DCHS1: variants seen among roughly 807,000 people sequenced by gnomAD.
The protein encoded by DCHS1 is protocadherin-16.
In DCHS1, 78 loss-of-function variants were observed where a neutral mutation model predicts 213.9. That is an observed-to-expected ratio of 0.36 (90% CI 0.30 to 0.44). The LOEUF (loss-of-function observed/expected upper bound fraction) is 0.44. DCHS1 is among the 20% of genes least tolerant of loss of function. DCHS1 has a pLI of 1.00. For missense variants in DCHS1, 3,946 were observed against 4,395.9 expected (o/e 0.90, Z 2.89); for synonymous variants, 1,828 against 1,873.7 (o/e 0.98, Z 0.63).
Position 6,629,398 on chromosome 11 carries a change from A to G in DCHS1, c.5161+54T>C, listed in dbSNP as rs921082751. 12 of 1,598,178 alleles carry G rather than the reference A, an allele frequency of 7.5e-6. No homozygotes were observed. In the African/African-American group the frequency reaches 1.1e-4, roughly 14 times the overall value. ...GTACTTTGGGTATTCTATCCAGGTA[A>G]CACTGGTGTTTACAACACCTCACTC... On this transcript the variant is annotated intron_variant, in intron 12 of 20. Transcript: ENST00000299441.
At chr11:6,655,236 C>A (rs947400451) in intron 1 of DCHS1, among the ~76,000 whole-genome samples, 2 of 152,054 alleles carry the variant, frequency 1.3e-5, no homozygotes. Context: ...GCCAGAGAGA[C>A]GCCCAGGGAC....
chr11:6,629,824 G>A lies in DCHS1; in HGVS notation c.4883C>T (p.Pro1628Leu). 2 of 1,613,062 alleles carry A rather than the reference G, an allele frequency of 1.2e-6. No individual in the cohort carries two copies. The highest frequency in any genetic ancestry group is 2.2e-5 in the East Asian group (1 of 44,876). The change falls in exon 11 of 21, where the codon CCG (proline) becomes CTG (leucine). Residue 1628 changes from proline (P) to leucine (L), a missense_variant. Around this residue, in one of 3 missense-constraint regions of DCHS1, gnomAD observed 3,384 missense variants for 3,780.1 expected, o/e 0.90. Coordinates refer to ENST00000299441, the MANE Select transcript of DCHS1 (RefSeq NM_003737.4). Reference sequence around the variant, plus strand: ...GGTCAGGACCTGCGTGGCCGAGCGCGGCGGGGAGCCGTGGTCTGAGGCCAC... The same window carrying A: ...GGTCAGGACCTGCGTGGCCGAGCGCAGCGGGGAGCCGTGGTCTGAGGCCAC... Reference protein sequence around the residue: ...TVVASDHGSPPRSATQVLTVS... With the variant: ...TVVASDHGSPLRSATQVLTVS...
intron 1 of DCHS1, among the ~76,000 whole-genome samples, chr11:6,650,595 G>C (rs961307288): frequency 1.3e-5 from 2 of 152,210 alleles, no homozygotes; most frequent in Non-Finnish European, 2.9e-5. Flanking sequence ...CTAATATGGG[G>C]AGGACTGAGG....
Position 6,632,565 on chromosome 11 carries a change from G to C in DCHS1, c.2947C>G (p.Arg983Gly). 2 of 1,516,002 alleles carry C rather than the reference G, an allele frequency of 1.3e-6. No individual in the cohort carries two copies. Among genetic ancestry groups the C allele is most frequent in the South Asian group, 1.3e-5 (1 of 77,068 alleles). The allele number at this position is 1,516,002 out of a possible 1,614,324, so 93.9% of individuals were successfully genotyped here. Reference protein sequence around the residue: ...GGSPPRTSHFRLRVVVQDVGT... With the variant: ...GGSPPRTSHFGLRVVVQDVGT... The stretch of plus-strand genomic sequence containing the variant: ...ACATCCTGTACCACCACCCGTAGTC[G>C]AAAGTGGCTGGTGCGTGGTGGGGAG... Residue 983 changes from arginine to glycine, a missense_variant, in exon 6 of 21, where the codon CGA (arginine) becomes GGA (glycine). Physicochemically the swap from Arg to Gly is moderately radical, Grantham distance 125. Around this residue, in one of 3 missense-constraint regions of DCHS1, gnomAD observed 3,384 missense variants for 3,780.1 expected, o/e 0.90. Transcript: ENST00000299441. This position sits in a 1 kb window ranked among gnomAD's most constrained non-coding sequence, Gnocchi z 5.9.
At position 6,642,108 on chromosome 11, in the gene DCHS1, T is replaced by G. The variant is rs548318670; in HGVS notation, c.-120-375A>C. On this transcript the variant is annotated intron_variant, in intron 1 of 20. Coordinates refer to ENST00000299441, the MANE Select transcript of DCHS1 (RefSeq NM_003737.4). ...TCTATAACCATGTATTTGGTAACTT[T>G]TCCTGAACCGTCAACCTTTTCCTCT... 7.2e-5 allele frequency among the ~76,000 whole-genome samples: 11 copies of G among 152,344 alleles called. No individual in the cohort carries two copies. The East Asian group carries it at 2.1e-3, about 29-fold the overall frequency.
rs755314374 is a variant in DCHS1, at chr11:6,623,353, A to G, written c.8323T>C (p.Tyr2775His). Residue 2775 changes from tyrosine (Y) to histidine (H), a missense_variant, in exon 21 of 21, where the codon TAT becomes CAT. Transcript: ENST00000299441. ...AGCCGGAAGCTTTCTGTGTGCTCAT[A>G]GTCAAAGGGCACTCGCGCACGCAAC... is the stretch of plus-strand genomic sequence containing the variant. The part of the protein sequence containing the change: ...GELRARVPFD[Y>H]EHTESFRLLV... 1 of 1,597,356 alleles carries G rather than the reference A, an allele frequency of 6.3e-7. No individual in the cohort carries two copies. The highest frequency in any genetic ancestry group is 8.5e-7 in the Non-Finnish European group (1 of 1,171,920).
chr11:6,636,628 C>T (rs1855989704), intron 2 of DCHS1, among the ~76,000 whole-genome samples: 1 of 152,198 alleles, frequency 6.6e-6, no homozygotes, highest in South Asian at 2.1e-4. Context: ...GGATGCATCA[C>T]CATGCCCATC....
Position 6,622,589 on chromosome 11 carries a change from A to T in DCHS1, c.9087T>A (p.His3029Gln). 1 of 1,581,176 alleles carries T rather than the reference A, an allele frequency of 6.3e-7. No individual in the cohort carries two copies. The highest frequency in any genetic ancestry group is 8.6e-7 in the Non-Finnish European group (1 of 1,164,264). Residue 3029 changes from histidine to glutamine, a missense_variant, in exon 21 of 21, where the codon CAT (histidine) becomes CAA (glutamine). Transcript: ENST00000299441. This position sits in a 1 kb window ranked among gnomAD's most constrained non-coding sequence, Gnocchi z 5.4. Reference protein sequence around the residue: ...YPRGGSLDPSHSSGRGSAEAA... With the variant: ...YPRGGSLDPSQSSGRGSAEAA... ...CCTCTGCTGATCCTCGGCCACTTGA[A>T]TGTGAAGGGTCCAAGGAGCCACCAC... is the stretch of plus-strand genomic sequence containing the variant.
chr11:6,642,284 G>C (rs1021683358), intron 1 of DCHS1, among the ~76,000 whole-genome samples: 12 of 152,252 alleles, frequency 7.9e-5, no homozygotes, highest in Non-Finnish European at 1.3e-4. Context: ...CTACAATATA[G>C]AGGCACTGAG....
chr11:6,644,454 C>T (rs1162074041), intron 1 of DCHS1, among the ~76,000 whole-genome samples: 1 of 152,202 alleles, frequency 6.6e-6, no homozygotes, highest in African/African-American at 2.4e-5. Flanking sequence ...CATGAGATAA[C>T]CTCTAAAAAT....
rs139223913 is a variant in DCHS1, at chr11:6,640,556, C to T, written c.1058G>A (p.Arg353Gln). 1,756 of 1,609,406 alleles carry T rather than the reference C, an allele frequency of 1.1e-3. 42 individuals are homozygous for T. In the East Asian group the frequency reaches 0.029, roughly 26 times the overall value. ...GGAGGGCTGATTGTCATTGGCATCTCGCACATGCACAGTCACAAAGGCCGA... is the reference window on the plus strand; with the variant it reads ...GGAGGGCTGATTGTCATTGGCATCTTGCACATGCACAGTCACAAAGGCCGA... ...LGSAFVTVHVRDANDNQPSMT... is the reference protein window; with the variant it reads ...LGSAFVTVHVQDANDNQPSMT... The change falls in exon 2 of 21, where the codon CGA becomes CAA. Residue 353 changes from arginine (R) to glutamine (Q), a missense_variant. Around this residue, in one of 3 missense-constraint regions of DCHS1, gnomAD observed 3,384 missense variants for 3,780.1 expected, o/e 0.90. Transcript: ENST00000299441. The surrounding 1 kb of genome is among the most constrained non-coding windows in gnomAD (Gnocchi z 6.5).
Position 6,623,240 on chromosome 11 carries a change from T to C in DCHS1, c.8436A>G (p.Val2812=). 1 of 1,592,006 alleles carries C rather than the reference T, an allele frequency of 6.3e-7. No homozygotes were observed. The highest frequency in any genetic ancestry group is 8.6e-7 in the Non-Finnish European group (1 of 1,169,056). The change falls in exon 21 of 21, where the codon GTA becomes GTG. Residue 2812 remains valine, a synonymous_variant. Transcript: ENST00000299441. ...LVTGEDEYDP[V]FLAPAFHFQV... ...GGAAGTGGAAAGCTGGTGCCAGAAA[T>C]ACAGGGTCATACTCATCCTCTCCAG...
At chr11:6,649,319 C>T (rs139553426) in intron 1 of DCHS1, among the ~76,000 whole-genome samples, 1 of 151,700 alleles carries the variant, frequency 6.6e-6, no homozygotes, top group African/African-American at 2.4e-5. Flanking sequence ...GGTCAGGCAG[C>T]AAAGCAGGGA....
chr11:6,632,399 G>A lies in DCHS1; in HGVS notation c.3113C>T (p.Ala1038Val), dbSNP rs1855924711. Residue 1038 changes from alanine (A) to valine (V), a missense_variant, in exon 6 of 21, where the codon GCA becomes GTA. This residue lies in a region of DCHS1 where 3,384 missense variants were observed against 3,780.1 expected (regional missense o/e 0.90). Transcript: ENST00000299441. This position sits in a 1 kb window ranked among gnomAD's most constrained non-coding sequence, Gnocchi z 5.9. ...DGGPITYHLA[A>V]EGASSPFGLE... ...GCCAAAGGGGCTACTTGCTCCCTCT[G>A]CTGCAAGGTGATAGGTGATAGGGCC... is the stretch of plus-strand genomic sequence containing the variant. 1.9e-6 allele frequency: 3 copies of A among 1,613,790 alleles called. No homozygotes were observed. Among genetic ancestry groups the A allele is most frequent in the Non-Finnish European group, 2.5e-6 (3 of 1,179,750 alleles).
chr11:6,623,759 G>C lies in DCHS1; in HGVS notation c.7917C>G (p.Phe2639Leu). 1 of 1,613,960 alleles carries C rather than the reference G, an allele frequency of 6.2e-7. No individual in the cohort carries two copies. The highest frequency in any genetic ancestry group is 8.5e-7 in the Non-Finnish European group (1 of 1,179,902). ...ADPGPHGLVRFTVSSGDPSGL... is the reference protein window; with the variant it reads ...ADPGPHGLVRLTVSSGDPSGL... ...CTGATGGGTCGCCTGAGCTGACAGT[G>C]AAACGCACGAGGCCATGAGGGCCAG... Residue 2639 changes from phenylalanine to leucine, a missense_variant, in exon 21 of 21, where the codon TTC becomes TTG. Phe to Leu is a conservative substitution (Grantham distance 22). Transcript: ENST00000299441.
At chr11:6,651,662 G>A (rs1049696280) in intron 1 of DCHS1, among the ~76,000 whole-genome samples, 1 of 152,178 alleles carries the variant, frequency 6.6e-6, no homozygotes, top group African/African-American at 2.4e-5. Flanking sequence ...TGGTAGATGA[G>A]GGCAACAGCA....
rs1171461754 is a variant in DCHS1, at chr11:6,628,599, G to C, written c.5371+22C>G. 8 of 1,613,232 alleles carry C rather than the reference G, an allele frequency of 5.0e-6. No homozygotes were observed. The highest frequency in any genetic ancestry group is 6.8e-6 in the Non-Finnish European group (8 of 1,179,506). Reference sequence around the variant, plus strand: ...ACCAGGCAAGTGGGTGCTGAATTAAGTGGGAGTGGGAAGGTTCTCACCTAG... The same window carrying C: ...ACCAGGCAAGTGGGTGCTGAATTAACTGGGAGTGGGAAGGTTCTCACCTAG... On this transcript the variant is annotated intron_variant, in intron 13 of 20. Coordinates refer to ENST00000299441, the MANE Select transcript of DCHS1 (RefSeq NM_003737.4). The surrounding 1 kb of genome is among the most constrained non-coding windows in gnomAD (Gnocchi z 4.3).
At chr11:6,624,454 AC>A (rs1855760837) in intron 20 of DCHS1, 64 bp from the exon 21 acceptor site, 2 of 1,464,336 alleles carry the variant, frequency 1.4e-6, no homozygotes, top group Non-Finnish European at 1.8e-6. Context: ...CAGAAGAGTG[AC>A]CCTTCAGGAT....
At position 6,625,969 on chromosome 11, in the gene DCHS1, T is replaced by C; in HGVS notation, c.6682A>G (p.Thr2228Ala). ...GLFHVDPTTG[T>A]ITTTAILDRE... ...TCCAGGATGGCTGTGGTAGTGATAGTGCCTGTGGTTGGGTCTACGTGGAAC... is the reference window on the plus strand; with the variant it reads ...TCCAGGATGGCTGTGGTAGTGATAGCGCCTGTGGTTGGGTCTACGTGGAAC... The change falls in exon 17 of 21, where the codon ACT (threonine) becomes GCT (alanine). Residue 2228 changes from threonine to alanine, a missense_variant. By Grantham distance (58) the Thr-to-Ala change is moderately conservative (BLOSUM62 0). This residue lies in a region of DCHS1 where 3,384 missense variants were observed against 3,780.1 expected (regional missense o/e 0.90). Transcript: ENST00000299441. This position sits in a 1 kb window ranked among gnomAD's most constrained non-coding sequence, Gnocchi z 5.3. 1 of 1,613,618 alleles carries C rather than the reference T, an allele frequency of 6.2e-7. No homozygotes were observed. Among genetic ancestry groups the C allele is most frequent in the Non-Finnish European group, 8.5e-7 (1 of 1,179,750 alleles).
Sources: allele counts gnomAD v4.1 joint callset (sites outside exome capture counted in the v4.1 genomes callset), GRCh38; gene constraint gnomAD v4.1.1; regional missense constraint gnomAD v4.1.1; non-coding constraint Gnocchi (gnomAD v3.1); transcripts MANE v1.5; gene names NCBI Gene and HGNC (gene_info 2026-07-23, HGNC 2026-07-21).